Variants in PIGA observed in about 807,000 individuals in gnomAD.
PIGA encodes phosphatidylinositol N-acetylglucosaminyltransferase subunit A.
A neutral mutation model predicts 17.1 loss-of-function variants in PIGA; 3 were observed. That is an observed-to-expected ratio of 0.18 (90% CI 0.08 to 0.45). The LOEUF (loss-of-function observed/expected upper bound fraction) is 0.45, where lower values mean the gene tolerates loss of function less well. PIGA is among the 20% of genes least tolerant of loss of function. The pLI is 0.99. For missense variants in PIGA, 231 were observed against 374.1 expected (o/e 0.62, Z 3.16); for synonymous variants, 126 against 135.1 (o/e 0.93, Z 0.47).
intron 1 of PIGA, 90 bp from the exon 2 acceptor site, chrX:15,332,082 T>A: frequency 1.7e-6 from 1 of 577,522 alleles, no homozygotes; most frequent in Non-Finnish European, 2.4e-6. Context: ...AATGTTAATG[T>A]AAATTTGTTA....
chrX:15,332,503 G>A (rs995061123), intron 1 of PIGA, among the ~76,000 whole-genome samples: 2 of 112,199 alleles, frequency 1.8e-5, no homozygotes, highest in Admixed American at 1.9e-4. Flanking sequence ...AGCTTAAAGG[G>A]GTTAAGAAAT....
Position 15,335,507 on chromosome X carries a change from G to C in PIGA, c.-69C>G. 2 of 978,032 alleles carry C rather than the reference G, an allele frequency of 2.0e-6. No individual in the cohort carries two copies. Among genetic ancestry groups the C allele is most frequent in the Non-Finnish European group, 2.6e-6 (2 of 777,126 alleles). The allele number at this position is 978,032 out of a possible 1,213,427, so 80.6% of individuals were successfully genotyped here. On this transcript the variant is annotated 5_prime_UTR_variant, in exon 1 of 6. Coordinates refer to ENST00000333590, the MANE Select transcript of PIGA (RefSeq NM_002641.4). ...CGGCGCGACGCGCACTCACCGGTGA[G>C]TTCCATGGCCGCCAGTGTCCGGACC...
At chrX:15,332,018 A>C in intron 1 of PIGA, 26 bp from the exon 2 acceptor site, 3 of 1,019,595 alleles carry the variant, frequency 2.9e-6, no homozygotes, top group Non-Finnish European at 2.6e-6. Flanking sequence ...ACAGGATCTC[A>C]GCTCAGAAAC....
intron 2 of PIGA, 87 bp from the exon 3 acceptor site, chrX:15,326,133 A>G: frequency 1.6e-6 from 1 of 636,048 alleles, no homozygotes; most frequent in Admixed American, 3.1e-5. Flanking sequence ...CTTATTTTGA[A>G]AAGTATTAGC....
chrX:15,321,304 T>C lies in PIGA; in HGVS notation c.*202A>G, dbSNP rs904197035. On this transcript the variant is annotated 3_prime_UTR_variant, in exon 6 of 6. Transcript: ENST00000333590. ...GGCTTAAATGTTCTCTCCTAAATTTTAAATAAGTGCAAGAAGTTTCTACAC... is the reference window on the plus strand; with the variant it reads ...GGCTTAAATGTTCTCTCCTAAATTTCAAATAAGTGCAAGAAGTTTCTACAC... The C allele has an allele frequency of 9.5e-5, 35 of 369,162 alleles. No individual in the cohort carries two copies. Among genetic ancestry groups the C allele is most frequent in the South Asian group, 1.7e-4 (3 of 17,216 alleles). The allele number at this position is 369,162 out of a possible 1,213,427, so 30.4% of individuals were successfully genotyped here. A position where few individuals can be genotyped will look rare whatever the true frequency, so the allele number is the denominator to read the frequency against.
At chrX:15,325,709 TG>T (rs1921950424) in intron 3 of PIGA, 1 of 277,485 alleles carries the variant, frequency 3.6e-6, no homozygotes, top group Admixed American at 6.2e-5. Flanking sequence ...CAAATAATAT[TG>T]GGCTAATGGA....
Position 15,320,069 on chromosome X carries a change from T to C in PIGA, c.*1437A>G, listed in dbSNP as rs1171566265. 4.4e-5 allele frequency: 5 copies of C among 112,871 alleles called. No homozygotes were observed. The highest frequency in any genetic ancestry group is 9.4e-5 in the Admixed American group (1 of 10,668). 9.3% of individuals were successfully genotyped at this position (112,871 alleles called of 1,213,427 possible). A position where few individuals can be genotyped will look rare whatever the true frequency, so the allele number is the denominator to read the frequency against. On this transcript the variant is annotated 3_prime_UTR_variant, in exon 6 of 6. Coordinates refer to ENST00000333590, the MANE Select transcript of PIGA (RefSeq NM_002641.4). The stretch of plus-strand genomic sequence containing the variant: ...ACCCCTAACTTCTAGATTTTAAAAA[T>C]TGCACTCTTGCTTTTGCATTTTAGT...
Position 15,324,887 on chromosome X carries a change from A to C in PIGA, c.982-16T>G. On this transcript the variant is annotated splice_polypyrimidine_tract_variant and intron_variant, in intron 4 of 5. Coordinates refer to ENST00000333590, the MANE Select transcript of PIGA (RefSeq NM_002641.4). The stretch of plus-strand genomic sequence containing the variant: ...TACTTACAACCTTAAAAAGAAAGAA[A>C]GAACACATACTCCACCATAATCATA... 8.5e-7 allele frequency: 1 copy of C among 1,178,798 alleles called. No homozygotes were observed. The highest frequency in any genetic ancestry group is 1.2e-6 in the Non-Finnish European group (1 of 869,122).
Position 15,325,012 on chromosome X carries a change from C to T in PIGA, c.981+8G>A, listed in dbSNP as rs778602062. 210 of 1,194,617 alleles carry T rather than the reference C, an allele frequency of 1.8e-4. No homozygotes were observed. The South Asian group carries it at 2.4e-3, about 13-fold the overall frequency. On this transcript the variant is annotated splice_region_variant and intron_variant, in intron 4 of 5. Transcript: ENST00000333590. ...ATCCCAACCATGAATGCCCTCAAAG[C>T]TTTTTACCTGTAAACCACAACTGGC...
At position 15,331,330 on chromosome X, in the gene PIGA, C is replaced by T; in HGVS notation, c.601G>A (p.Glu201Lys). 8.3e-7 allele frequency: 1 copy of T among 1,208,918 alleles called. No homozygotes were observed. The highest frequency in any genetic ancestry group is 1.1e-6 in the Non-Finnish European group (1 of 892,757). The change falls in exon 2 of 6, where the codon GAA (glutamate) becomes AAA (lysine). Residue 201 changes from glutamate to lysine, a missense_variant. By Grantham distance (56) the Glu-to-Lys change is moderately conservative. Around this residue, in one of 5 missense-constraint regions of PIGA, gnomAD observed 83 missense variants for 190.1 expected, o/e 0.44. Transcript: ENST00000333590. ...GCATTAGGAATGACGGACACTATTT[C>T]AGGATTCAGTGCTGCTCTTAGTACA... ...NTVLRAALNPEIVSVIPNAVD... is the reference protein window; with the variant it reads ...NTVLRAALNPKIVSVIPNAVD...
At position 15,331,820 on chromosome X, in the gene PIGA, C is replaced by T; in HGVS notation, c.111G>A (p.Met37Ile). Residue 37 changes from methionine to isoleucine, a missense_variant, in exon 2 of 6, where the codon ATG becomes ATA. This residue lies in a region of PIGA where 2 missense variants were observed against 18.8 expected (regional missense o/e 0.11). Transcript: ENST00000333590. ...TATTTGGGTAGAAAAAGTCAGATACCATGCATATATTATGGGTACGGGTTC... is the reference window on the plus strand; with the variant it reads ...TATTTGGGTAGAAAAAGTCAGATACTATGCATATATTATGGGTACGGGTTC... ...TCRTRTHNICMVSDFFYPNMG... is the reference protein window; with the variant it reads ...TCRTRTHNICIVSDFFYPNMG... 8.3e-7 allele frequency: 1 copy of T among 1,211,518 alleles called. No individual in the cohort carries two copies. Among genetic ancestry groups the T allele is most frequent in the South Asian group, 1.8e-5 (1 of 56,988 alleles).
At chrX:15,326,879 G>C (rs1226707118) in intron 2 of PIGA, 1 of 112,135 alleles carries the variant, frequency 8.9e-6, no homozygotes, top group East Asian at 2.8e-4. Context: ...GAAAAAGTGA[G>C]TGGCTATCCA....
chrX:15,323,995 A>G (rs1038863607), intron 5 of PIGA, among the ~76,000 whole-genome samples: 2 of 112,425 alleles, frequency 1.8e-5, no homozygotes, highest in African/African-American at 3.2e-5. Flanking sequence ...GAATGAAAGC[A>G]GTCCCTAATT....
chrX:15,332,321 T>C (rs1449874207), intron 1 of PIGA, among the ~76,000 whole-genome samples: 1 of 112,075 alleles, frequency 8.9e-6, no homozygotes, highest in Non-Finnish European at 1.9e-5. Context: ...CACACATACA[T>C]ACACACATTT....
rs748469949 is a variant in PIGA, at chrX:15,331,999, A to G, written c.-62-7T>C. ...GAGATGTGTCCTCTATTACCTGAAAAAGAGTAAAACAGGATCTCAGCTCAG... is the reference window on the plus strand; with the variant it reads ...GAGATGTGTCCTCTATTACCTGAAAGAGAGTAAAACAGGATCTCAGCTCAG... On this transcript the variant is annotated splice_polypyrimidine_tract_variant and splice_region_variant and intron_variant, in intron 1 of 5. Transcript: ENST00000333590. 6.4e-6 allele frequency: 7 copies of G among 1,101,005 alleles called. No individual in the cohort carries two copies. Among genetic ancestry groups the G allele is most frequent in the Admixed American group, 3.1e-5 (1 of 32,589 alleles). The allele number at this position is 1,101,005 out of a possible 1,213,427, so 90.7% of individuals were successfully genotyped here. A position where few individuals can be genotyped will look rare whatever the true frequency, so the allele number is the denominator to read the frequency against.
At chrX:15,324,013 A>G (rs761800409) in intron 5 of PIGA, among the ~76,000 whole-genome samples, 1 of 112,448 alleles carries the variant, frequency 8.9e-6, no homozygotes, top group South Asian at 3.6e-4. Context: ...ATTCAAATTC[A>G]GGAAGCATTT....
intron 1 of PIGA, 67 bp from the exon 2 acceptor site, chrX:15,332,059 T>C: frequency 2.8e-6 from 2 of 712,045 alleles, no homozygotes; most frequent in Non-Finnish European, 3.9e-6. Context: ...AATCCAGATA[T>C]AGATATTGTT....
At position 15,320,149 on chromosome X, in the gene PIGA, T is replaced by A. The variant is rs899327140; in HGVS notation, c.*1357A>T. ...TATCAGTGCAACCAGTTAATAGGCA[T>A]GTTATTTTTTAAAAAGTAATAAATT... On this transcript the variant is annotated 3_prime_UTR_variant, in exon 6 of 6. Transcript: ENST00000333590. 49 of 112,900 alleles carry A rather than the reference T, an allele frequency of 4.3e-4. 1 individual carries two copies. The highest frequency in any genetic ancestry group is 1.5e-3 in the African/African-American group (48 of 31,096). The allele number at this position is 112,900 out of a possible 1,213,427, so 9.3% of individuals were successfully genotyped here. A position where few individuals can be genotyped will look rare whatever the true frequency, so the allele number is the denominator to read the frequency against.
chrX:15,324,336 A>C (rs1921905048), intron 5 of PIGA, among the ~76,000 whole-genome samples: 1 of 112,442 alleles, frequency 8.9e-6, no homozygotes, highest in Non-Finnish European at 1.9e-5. Flanking sequence ...AGAATTATCA[A>C]CAGCTTCAAG....
Sources: gnomAD v4.1 joint callset for allele counts (sites outside exome capture counted in the v4.1 genomes callset) on GRCh38, gnomAD v4.1.1 for gene constraint, gnomAD v4.1.1 regional missense constraint, MANE v1.5 for transcripts, NCBI Gene and HGNC (gene_info 2026-07-23, HGNC 2026-07-21) for gene names.